NIN: variants seen among roughly 807,000 people sequenced by gnomAD.
The protein encoded by NIN is ninein.
NIN carries 137 observed loss-of-function variants against 257.6 expected under a neutral mutation model. That is an observed-to-expected ratio of 0.53 (90% CI 0.46 to 0.61). The LOEUF (loss-of-function observed/expected upper bound fraction) is 0.61, where lower values mean the gene tolerates loss of function less well. NIN is among the 20% of genes least tolerant of loss of function. NIN has a pLI of 0.00. For missense variants in NIN, 2,439 were observed against 2,501.2 expected, an observed-to-expected ratio of 0.98 and a Z score of 0.53; for synonymous variants, 918 against 919.8, an observed-to-expected ratio of 1.00 and a Z score of 0.04.
At position 50,754,826 on chromosome 14, in the gene NIN, C is replaced by T; in HGVS notation, c.4580G>A (p.Arg1527Lys). Residue 1527 changes from arginine to lysine, a missense_variant, in exon 19 of 31, where the codon AGA becomes AAA. By Grantham distance (26) the Arg-to-Lys change is conservative (BLOSUM62 2). This residue lies in a region of NIN where 2,043 missense variants were observed against 2,050.2 expected (regional missense o/e 1.00). Transcript: ENST00000530997. ...EKLQQENSIL[R>K]NEITTLNEED... ...TTCATTTAAAGTAGTAATTTCATTT[C>T]TCAAAATAGAATTTTCCTGTTGAAG... The T allele has an allele frequency of 6.3e-7, 1 of 1,582,678 alleles. No individual in the cohort carries two copies. Among genetic ancestry groups the T allele is most frequent in the Non-Finnish European group, 8.6e-7 (1 of 1,166,860 alleles).
intron 3 of NIN, among the ~76,000 whole-genome samples, chr14:50,815,325 C>A (rs925891055): frequency 7.2e-5 from 11 of 152,156 alleles, no homozygotes; most frequent in Non-Finnish European, 1.6e-4. Context: ...AAATACAAAT[C>A]AAAACCACAA....
chr14:50,754,914 C>A, intron 18 of NIN, 47 bp from the exon 19 acceptor site: 1 of 1,341,712 alleles, frequency 7.5e-7, no homozygotes, highest in South Asian at 1.4e-5. Flanking sequence ...AGTCATCTGG[C>A]ATCTTTGGAA....
At chr14:50,788,035 T>TA (rs373060230) in intron 5 of NIN, among the ~76,000 whole-genome samples, 1,856 of 148,656 alleles carry the variant, frequency 0.012, 31 homozygotes, top group African/African-American at 0.04. Flanking sequence ...GGAATTCTGT[T>TA]AAAAAAAAAA....
intron 18 of NIN, among the ~76,000 whole-genome samples, chr14:50,756,157 T>A (rs76430490): frequency 8.1e-5 from 12 of 147,632 alleles, no homozygotes; most frequent in African/African-American, 1.5e-4. Flanking sequence ...CTTAGCAAAA[T>A]AAAAAAAAAA....
chr14:50,771,397 C>T lies in NIN; in HGVS notation c.1053G>A (p.Leu351=). 6.2e-7 allele frequency: 1 copy of T among 1,614,160 alleles called. No homozygotes were observed. Among genetic ancestry groups the T allele is most frequent in the Non-Finnish European group, 8.5e-7 (1 of 1,180,032 alleles). ...ELTLALENEL[L]VTKNSIHQAA... is the part of the protein sequence containing the mutation. ...CCTGGTGAATGCTGTTCTTGGTAACCAAAAGTTCATTTTCAAGGGCCAGTG... is the reference window on the plus strand; with the variant it reads ...CCTGGTGAATGCTGTTCTTGGTAACTAAAAGTTCATTTTCAAGGGCCAGTG... Residue 351 remains leucine, a synonymous_variant, in exon 10 of 31, where the codon TTG becomes TTA. Coordinates refer to ENST00000530997, the MANE Select transcript of NIN (RefSeq NM_020921.4).
In NIN at chr14:50,783,205, C is replaced by T. The variant is rs919824174; in HGVS notation, c.436-4401G>A. Among the ~76,000 whole-genome samples the T allele has an allele frequency of 5.6e-5, 8 of 143,668 alleles. No individual in the cohort carries two copies. In the East Asian group the frequency reaches 8.4e-4, roughly 15 times the overall value. 94.3% of individuals were successfully genotyped at this position (143,668 alleles called of 152,430 possible). On this transcript the variant is annotated intron_variant, in intron 5 of 30. Transcript: ENST00000530997. ...ACCCACCTACAGATGCCTGCTACCA[C>T]GCCCGGCTCATTTTTGTATTTTTTT...
intron 30 of NIN, among the ~76,000 whole-genome samples, chr14:50,724,634 G>A (rs75957492): frequency 0.021 from 3,241 of 152,202 alleles, 116 homozygotes; most frequent in African/African-American, 0.074. Flanking sequence ...GCTCAGCACT[G>A]GAGGCCTACT....
Position 50,748,169 on chromosome 14 carries a change from G to T in NIN, c.4951-64C>A, listed in dbSNP as rs546877153. The T allele has an allele frequency of 7.0e-6, 7 of 1,003,614 alleles. No individual in the cohort carries two copies. The East Asian group carries it at 1.5e-4, about 21-fold the overall frequency. 62.2% of individuals were successfully genotyped at this position (1,003,614 alleles called of 1,614,324 possible). ...TATTTAGGCTGGGGAAACTTACCAG[G>T]TTCATAAAAGGCCATATTAAGGAAA... On this transcript the variant is annotated intron_variant, in intron 21 of 30. Transcript: ENST00000530997.
chr14:50,810,748 C>G (rs1403417028), intron 3 of NIN, among the ~76,000 whole-genome samples: 1 of 151,856 alleles, frequency 6.6e-6, no homozygotes, highest in Non-Finnish European at 1.5e-5. Context: ...GCAAGCTCCG[C>G]CTCCTGGGTT....
At chr14:50,830,049 C>A (rs1394127783) in intron 2 of NIN, among the ~76,000 whole-genome samples, 1 of 152,238 alleles carries the variant, frequency 6.6e-6, no homozygotes, top group Non-Finnish European at 1.5e-5. Flanking sequence ...TCTCCACTTT[C>A]CGGGCTCCAA....
chr14:50,824,033 C>G (rs564776730), intron 2 of NIN, among the ~76,000 whole-genome samples: 1 of 152,154 alleles, frequency 6.6e-6, no homozygotes, highest in African/African-American at 2.4e-5. Flanking sequence ...TTCAGTGTTG[C>G]GGTAGCTCTT....
chr14:50,727,841 A>G (rs2040487512), intron 29 of NIN: 4 of 1,176,676 alleles, frequency 3.4e-6, no homozygotes, highest in Admixed American at 3.8e-5. Flanking sequence ...CAATGCAAAC[A>G]ATTTTTAAAA....
Position 50,771,450 on chromosome 14 carries a change from C to T in NIN, c.1000G>A (p.Asp334Asn), listed in dbSNP as rs144643913. ...AATTCTGTCAAATTGATGTTTCCATCGAGGCTGAAATCCAAGGCCTAGAAA... is the reference window on the plus strand; with the variant it reads ...AATTCTGTCAAATTGATGTTTCCATTGAGGCTGAAATCCAAGGCCTAGAAA... ...EILKALDFSL[D>N]GNINLTELTL... The change falls in exon 10 of 31, where the codon GAT becomes AAT. Residue 334 changes from aspartate to asparagine, a missense_variant. Around this residue, in one of 3 missense-constraint regions of NIN, gnomAD observed 387 missense variants for 427.3 expected, o/e 0.91. Coordinates refer to ENST00000530997, the MANE Select transcript of NIN (RefSeq NM_020921.4). 105 of 1,613,988 alleles carry T rather than the reference C, an allele frequency of 6.5e-5. No individual in the cohort carries two copies. Among genetic ancestry groups the T allele is most frequent in the Non-Finnish European group, 8.6e-5 (101 of 1,179,956 alleles).
Position 50,819,459 on chromosome 14 carries a change from C to T in NIN, c.183+2415G>A, listed in dbSNP as rs531229235. Among the ~76,000 whole-genome samples, 16 of 152,266 alleles carry T rather than the reference C, an allele frequency of 1.1e-4. No individual in the cohort carries two copies. In the South Asian group the frequency reaches 1.2e-3, roughly 12 times the overall value. On this transcript the variant is annotated intron_variant, in intron 3 of 30. Transcript: ENST00000530997. Reference sequence around the variant, plus strand: ...GATCTGATGGTTTTATAAGGGGTTTCCCCTTTTGCTCGGCTTTCATTCTGT... The same window carrying T: ...GATCTGATGGTTTTATAAGGGGTTTTCCCTTTTGCTCGGCTTTCATTCTGT...
chr14:50,740,249 C>T (rs937364271), intron 25 of NIN, among the ~76,000 whole-genome samples: 1 of 151,586 alleles, frequency 6.6e-6, no homozygotes, highest in African/African-American at 2.4e-5. Context: ...TGCAGTGGCA[C>T]GATCTCAGCT....
At chr14:50,742,701 C>T (rs2041348740) in intron 24 of NIN, among the ~76,000 whole-genome samples, 1 of 152,080 alleles carries the variant, frequency 6.6e-6, no homozygotes, top group Non-Finnish European at 1.5e-5. Context: ...GCTAAGACCT[C>T]ACCTCTTAAA....
chr14:50,760,178 G>A lies in NIN; in HGVS notation c.2078C>T (p.Ala693Val). ...TTTCTCCTCCTCATGCCTGCAAGTG[G>A]CCTCATGATGTGCCTCCTTGAGCAC... ...AAVLKEAHHE[A>V]TCRHEEEKKQ... Residue 693 changes from alanine to valine, a missense_variant, in exon 17 of 31, where the codon GCC becomes GTC. Transcript: ENST00000530997. The A allele has an allele frequency of 6.2e-7, 1 of 1,614,050 alleles. No homozygotes were observed. Among genetic ancestry groups the A allele is most frequent in the African/African-American group, 1.3e-5 (1 of 75,024 alleles).
chr14:50,778,741 C>G, intron 6 of NIN, 24 bp downstream of exon 6: 1 of 1,613,032 alleles, frequency 6.2e-7, no homozygotes, highest in Non-Finnish European at 8.5e-7. Flanking sequence ...CTTCCAGGCA[C>G]GTCCTGACAC....
Position 50,754,646 on chromosome 14 carries a change from T to C in NIN, c.4665-14A>G, listed in dbSNP as rs759276206. On this transcript the variant is annotated splice_polypyrimidine_tract_variant and intron_variant, in intron 19 of 30. Transcript: ENST00000530997. Reference sequence around the variant, plus strand: ...TCCGTTTTTTGCCTAAAAGGAATGATGAAAATAAAATTTAATGGTTAGGCT... The same window carrying C: ...TCCGTTTTTTGCCTAAAAGGAATGACGAAAATAAAATTTAATGGTTAGGCT... 11 of 1,604,726 alleles carry C rather than the reference T, an allele frequency of 6.9e-6. No homozygotes were observed. In the Admixed American group the frequency reaches 1.0e-4, roughly 15 times the overall value.
Sources: allele counts gnomAD v4.1 joint callset (sites outside exome capture counted in the v4.1 genomes callset), GRCh38; gene constraint gnomAD v4.1.1; regional missense constraint gnomAD v4.1.1; transcripts MANE v1.5; gene names NCBI Gene and HGNC (gene_info 2026-07-23, HGNC 2026-07-21).